TTC13: variants seen among roughly 807,000 people sequenced by gnomAD.
TTC13 encodes the protein tetratricopeptide repeat domain 13.
Under a neutral mutation model 120.0 loss-of-function variants are expected in TTC13, and 62 were observed. The observed-to-expected ratio is 0.52, with a 90% CI of 0.42 to 0.64. The LOEUF (loss-of-function observed/expected upper bound fraction) is 0.64, where lower values mean the gene tolerates loss of function less well. TTC13 is among the 30% of genes least tolerant of loss of function. The pLI is 0.00. For synonymous variants in TTC13, 384 were observed against 393.5 expected, an observed-to-expected ratio of 0.98 and a Z score of 0.28; for missense variants, 824 against 1,050.2, an observed-to-expected ratio of 0.78 and a Z score of 2.98.
At chr1:230,936,277 G>A (rs949200644) in intron 8 of TTC13, 1 of 454,612 alleles carries the variant, frequency 2.2e-6, no homozygotes, top group Non-Finnish European at 4.4e-6. Context: ...GCCAAAGAGG[G>A]GACATAGTAG....
chr1:230,914,006 C>T (rs1671771574), intron 18 of TTC13, among the ~76,000 whole-genome samples: 1 of 152,078 alleles, frequency 6.6e-6, no homozygotes, highest in African/African-American at 2.4e-5. Context: ...GCTAGGGGAA[C>T]GTCCAGTGAG....
At chr1:230,960,563 A>G (rs1676529550) in intron 2 of TTC13, among the ~76,000 whole-genome samples, 1 of 149,568 alleles carries the variant, frequency 6.7e-6, no homozygotes, top group Non-Finnish European at 1.5e-5. Context: ...ATGAAAAGGC[A>G]AGGCTTTGTT....
intron 1 of TTC13, among the ~76,000 whole-genome samples, chr1:230,966,881 T>C (rs1038769676): frequency 6.6e-6 from 1 of 152,126 alleles, no homozygotes; most frequent in African/African-American, 2.4e-5. Context: ...GATCTGAACC[T>C]AGGCAGTCTG....
At chr1:230,937,642 T>C (rs572072140) in intron 8 of TTC13, among the ~76,000 whole-genome samples, 7 of 152,374 alleles carry the variant, frequency 4.6e-5, no homozygotes, top group Non-Finnish European at 8.8e-5. Flanking sequence ...GTGAGGTTTA[T>C]GAAATAGAAT....
At chr1:230,943,995 C>T in intron 5 of TTC13, 97 bp from the exon 6 acceptor site, 1 of 642,456 alleles carries the variant, frequency 1.6e-6, no homozygotes, top group Non-Finnish European at 2.6e-6. Flanking sequence ...ATGATGTAAC[C>T]AATTGTTTAA....
Position 230,920,562 on chromosome 1 carries a change from C to A in TTC13, c.1931G>T (p.Arg644Leu), listed in dbSNP as rs187593918. The A allele has an allele frequency of 1.3e-6, 2 of 1,597,110 alleles. No individual in the cohort carries two copies. The highest frequency in any genetic ancestry group is 2.3e-5 in the South Asian group (2 of 87,332). Reference sequence around the variant, plus strand: ...TTTGTGTACCTTTTCCAGGGCTTCCCGAACTTCCAGCAATCCTTTAGGATT... The same window carrying A: ...TTTGTGTACCTTTTCCAGGGCTTCCAGAACTTCCAGCAATCCTTTAGGATT... ...ANNPKGLLEV[R>L]EALEKVHKVE... The change falls in exon 17 of 23, where the codon CGG (arginine) becomes CTG (leucine). Residue 644 changes from arginine (R) to leucine (L), a missense_variant. Coordinates refer to ENST00000366661, the MANE Select transcript of TTC13 (RefSeq NM_024525.5).
At chr1:230,916,418 T>C in intron 17 of TTC13, 116 bp from the exon 18 acceptor site, 1 of 792,390 alleles carries the variant, frequency 1.3e-6, no homozygotes, top group Non-Finnish European at 2.2e-6. Context: ...AAGGAGGTCA[T>C]CTGATACAAG....
chr1:230,939,676 T>C (rs755184233), intron 7 of TTC13, among the ~76,000 whole-genome samples, 180 bp from the exon 8 acceptor site: 10 of 152,148 alleles, frequency 6.6e-5, no homozygotes, highest in Admixed American at 3.9e-4. Flanking sequence ...ATTCAAACAG[T>C]TGGGAGTTTT....
At position 230,933,831 on chromosome 1, in the gene TTC13, T is replaced by C. The variant is rs1254904731; in HGVS notation, c.931A>G (p.Lys311Glu). ...GCATCAATAAAGTCAACTTTCTGCT[T>C]CAAAGCTTCTTTGAAGGATTCAATA... ...EAIESFKEAL[K>E]QKVDFIDAYK... Residue 311 changes from lysine (K) to glutamate (E), a missense_variant, in exon 9 of 23, where the codon AAG (lysine) becomes GAG (glutamate). This residue lies in a region of TTC13 where 430 missense variants were observed against 626.8 expected (regional missense o/e 0.69). Coordinates refer to ENST00000366661, the MANE Select transcript of TTC13 (RefSeq NM_024525.5). 5.0e-6 allele frequency: 8 copies of C among 1,608,824 alleles called. No homozygotes were observed. The highest frequency in any genetic ancestry group is 5.9e-6 in the Non-Finnish European group (7 of 1,178,322).
In TTC13 at chr1:230,942,478, G is replaced by A. The variant is rs969930374; in HGVS notation, c.672+1328C>T. Among the ~76,000 whole-genome samples, 3 of 152,184 alleles carry A rather than the reference G, an allele frequency of 2.0e-5. No individual in the cohort carries two copies. The highest frequency in any genetic ancestry group is 7.2e-5 in the African/African-American group (3 of 41,440). ...AAAATTCACTTTAAGAGACTGAACTGTAAGACACAATAATCTTAAGAACAA... is the reference window on the plus strand; with the variant it reads ...AAAATTCACTTTAAGAGACTGAACTATAAGACACAATAATCTTAAGAACAA... On this transcript the variant is annotated intron_variant, in intron 6 of 22. Coordinates refer to ENST00000366661, the MANE Select transcript of TTC13 (RefSeq NM_024525.5). This position sits in a 1 kb window ranked among gnomAD's most constrained non-coding sequence, Gnocchi z 4.0.
intron 8 of TTC13, among the ~76,000 whole-genome samples, chr1:230,936,828 T>C (rs980197533): frequency 3.3e-5 from 5 of 152,218 alleles, no homozygotes; most frequent in Non-Finnish European, 5.9e-5. Flanking sequence ...CAGAAAAACC[T>C]AGACAAAGTT....
At chr1:230,949,929 C>A (rs1013272675) in intron 4 of TTC13, among the ~76,000 whole-genome samples, 4 of 152,062 alleles carry the variant, frequency 2.6e-5, no homozygotes, top group African/African-American at 7.2e-5. Context: ...GATTACAGGC[C>A]TGAGCCACCA....
intron 14 of TTC13, among the ~76,000 whole-genome samples, chr1:230,924,607 CA>C (rs1263986160): frequency 2.0e-5 from 3 of 152,350 alleles, no homozygotes; most frequent in Admixed American, 2.0e-4. Flanking sequence ...GCTGGGATTA[CA>C]GGCGTGAGCC....
In TTC13 at chr1:230,920,603, G is replaced by C; in HGVS notation, c.1899-9C>G. On this transcript the variant is annotated splice_polypyrimidine_tract_variant and intron_variant, in intron 16 of 22. Transcript: ENST00000366661. ...CTTTAGGATTATTAGCTCTTAAAGA[G>C]AGACAGAGAGAGATGGCAACTGAGA... 1 of 1,494,858 alleles carries C rather than the reference G, an allele frequency of 6.7e-7. No homozygotes were observed. Among genetic ancestry groups the C allele is most frequent in the African/African-American group, 1.4e-5 (1 of 70,388 alleles). The allele number at this position is 1,494,858 out of a possible 1,614,324, so 92.6% of individuals were successfully genotyped here.
chr1:230,978,571 G>A lies in TTC13; in HGVS notation c.260C>T (p.Ala87Val), dbSNP rs1391097134. The A allele has an allele frequency of 6.5e-6, 8 of 1,235,338 alleles. No individual in the cohort carries two copies. In the South Asian group the frequency reaches 1.3e-4, roughly 20 times the overall value. 76.5% of individuals were successfully genotyped at this position (1,235,338 alleles called of 1,614,324 possible). A position where few individuals can be genotyped will look rare whatever the true frequency, so the allele number is the denominator to read the frequency against. The change falls in exon 1 of 23, where the codon GCC becomes GTC. Residue 87 changes from alanine to valine, a missense_variant. Coordinates refer to ENST00000366661, the MANE Select transcript of TTC13 (RefSeq NM_024525.5). The surrounding 1 kb of genome is among the most constrained non-coding windows in gnomAD (Gnocchi z 5.6). ...QSGDWGDQYSAECGESSFLNF... is the reference protein window; with the variant it reads ...QSGDWGDQYSVECGESSFLNF... Reference sequence around the variant, plus strand: ...CGCCGCCCACTCACCGCCGCACTCGGCAGAGTACTGGTCCCCCCAGTCCCC... The same window carrying A: ...CGCCGCCCACTCACCGCCGCACTCGACAGAGTACTGGTCCCCCCAGTCCCC...
chr1:230,916,280 T>C lies in TTC13; in HGVS notation c.2006A>G (p.Asp669Gly), dbSNP rs1458352144. The C allele has an allele frequency of 6.2e-7, 1 of 1,614,122 alleles. No homozygotes were observed. Among genetic ancestry groups the C allele is most frequent in the Admixed American group, 1.7e-5 (1 of 60,020 alleles). Reference protein sequence around the residue: ...IMKQFNTKTKDGFTVNTKVPS... With the variant: ...IMKQFNTKTKGGFTVNTKVPS... Reference sequence around the variant, plus strand: ...AACTTTTGTGTTCACGGTGAACCCATCCTTCGTTTTAGTATTAAACTGCTT... The same window carrying C: ...AACTTTTGTGTTCACGGTGAACCCACCCTTCGTTTTAGTATTAAACTGCTT... Residue 669 changes from aspartate to glycine, a missense_variant, in exon 18 of 23, where the codon GAT becomes GGT. Around this residue, in one of 4 missense-constraint regions of TTC13, gnomAD observed 226 missense variants for 259.1 expected, o/e 0.87. Transcript: ENST00000366661.
At chr1:230,931,900 GA>G in intron 9 of TTC13, 23 bp from the exon 10 acceptor site, 1 of 1,609,954 alleles carries the variant, frequency 6.2e-7, no homozygotes, top group Non-Finnish European at 8.5e-7. Flanking sequence ...TAATAGTTAT[GA>G]ATACAGTATA....
chr1:230,911,564 TAC>T lies in TTC13; in HGVS notation c.2230-17_2230-16del, dbSNP rs10568287. Reference sequence around the variant, plus strand: ...GCATCAGCCTCCTAGAAAAAAAAGATACAGACTCATAAATACTATAAAGATTA... The same window carrying T: ...GCATCAGCCTCCTAGAAAAAAAAGATAGACTCATAAATACTATAAAGATTA... On this transcript the variant is annotated splice_polypyrimidine_tract_variant and intron_variant, in intron 19 of 22. Coordinates refer to ENST00000366661, the MANE Select transcript of TTC13 (RefSeq NM_024525.5). 0.68 allele frequency: 1,041,235 copies of T among 1,535,310 alleles called. 354,660 individuals are homozygous for T. The highest frequency in any genetic ancestry group is 0.75 in the Admixed American group (39,501 of 52,776).
intron 1 of TTC13, among the ~76,000 whole-genome samples, chr1:230,971,766 C>G (rs1186863433): frequency 6.6e-6 from 1 of 152,108 alleles, no homozygotes; most frequent in African/African-American, 2.4e-5. Flanking sequence ...GAAAAACAGG[C>G]ACAGTAGCAA....
Sources: allele counts gnomAD v4.1 joint callset (sites outside exome capture counted in the v4.1 genomes callset), GRCh38; gene constraint gnomAD v4.1.1; regional missense constraint gnomAD v4.1.1; non-coding constraint Gnocchi (gnomAD v3.1); transcripts MANE v1.5; gene names NCBI Gene and HGNC (gene_info 2026-07-23, HGNC 2026-07-21).